CST3: variants seen among roughly 807,000 people sequenced by gnomAD.
CST3 encodes cystatin C, also known as cystatin-C.
A neutral mutation model predicts 9.0 loss-of-function variants in CST3; 14 were observed. That is an observed-to-expected ratio of 1.56 (90% confidence interval 1.03 to 2.44). CST3 has a LOEUF of 2.44. Ranked by LOEUF, CST3 falls within the 30% of genes most tolerant of loss-of-function variation. CST3 has a pLI of 0.00. For synonymous variants in CST3, 96 were observed against 90.2 expected (o/e 1.06, Z -0.37); for missense variants, 237 against 204.3 (o/e 1.16, Z -0.98).
At chr20:23,637,520 C>G (rs2122482258) in intron 1 of CST3, 100 bp downstream of exon 1, 1 of 1,199,756 alleles carries the variant, frequency 8.3e-7, no homozygotes, top group Admixed American at 3.8e-5. Context: ...GGTGAGAAGC[C>G]CAGGCGCCGG....
exon 4 of CST3, chr20:23,627,926 G>GT (rs1437562201): frequency 4.0e-5 from 6 of 151,890 alleles, no homozygotes; most frequent in Admixed American, 1.3e-4. Context: ...TTTTAAATTG[G>GT]TTTTTTTAAA....
intron 2 of CST3, 65 bp downstream of exon 2, chr20:23,635,189 C>A (rs1221816797): frequency 2.0e-5 from 26 of 1,329,122 alleles, no homozygotes; most frequent in Non-Finnish European, 2.8e-5. Flanking sequence ...GCATCACACA[C>A]ACACACACAC....
At chr20:23,628,407 G>A (rs1979331822) in exon 4 of CST3, 1 of 152,178 alleles carries the variant, frequency 6.6e-6, no homozygotes, top group African/African-American at 2.4e-5. Context: ...CAGTCATGGT[G>A]ACATCTGTGG....
downstream of CST3, among the ~76,000 whole-genome samples, chr20:23,631,592 G>A (rs1979453862): frequency 6.6e-6 from 1 of 152,204 alleles, no homozygotes; most frequent in South Asian, 2.1e-4. Flanking sequence ...GGGCCTTTGA[G>A]GGTAGGTGTC....
chr20:23,634,131 C>T (rs1979564229), intron 2 of CST3, 132 bp from the exon 3 acceptor site: 4 of 751,024 alleles, frequency 5.3e-6, no homozygotes, highest in African/African-American at 1.7e-5. Context: ...ACCCCTCCAC[C>T]CACCCCCGCT....
Position 23,633,807 on chromosome 20 carries a change from C to T in CST3, c.*109G>A, listed in dbSNP as rs1288736533. 1.1e-6 allele frequency: 1 copy of T among 929,724 alleles called. No homozygotes were observed. Among genetic ancestry groups the T allele is most frequent in the African/African-American group, 1.6e-5 (1 of 61,962 alleles). 57.6% of individuals were successfully genotyped at this position (929,724 alleles called of 1,614,324 possible). A position where few individuals can be genotyped will look rare whatever the true frequency, so the allele number is the denominator to read the frequency against. ...CTCTGTCTGTCTCCTGGTGCAGGCACATGGGGAGACCTTCCCCAAGGCAGG... is the reference window on the plus strand; with the variant it reads ...CTCTGTCTGTCTCCTGGTGCAGGCATATGGGGAGACCTTCCCCAAGGCAGG... On this transcript the variant is annotated 3_prime_UTR_variant, in exon 3 of 3. Transcript: ENST00000376925.
downstream of CST3, among the ~76,000 whole-genome samples, chr20:23,633,371 T>A (rs1192510367): frequency 6.6e-6 from 1 of 151,978 alleles, no homozygotes; most frequent in African/African-American, 2.4e-5. Context: ...TCAGACCAAA[T>A]CACCAGCCCA....
At chr20:23,630,367 G>A (rs879560249), downstream of CST3, among the ~76,000 whole-genome samples, 1 of 152,218 alleles carries the variant, frequency 6.6e-6, no homozygotes, top group Non-Finnish European at 1.5e-5. Context: ...TAAGCCTCAG[G>A]TGACAGGATT....
At position 23,633,847 on chromosome 20, in the gene CST3, G is replaced by C; in HGVS notation, c.*69C>G. The C allele has an allele frequency of 3.7e-6, 5 of 1,334,788 alleles. No individual in the cohort carries two copies. The highest frequency in any genetic ancestry group is 3.5e-5 in the South Asian group (3 of 85,196). The allele number at this position is 1,334,788 out of a possible 1,614,324, so 82.7% of individuals were successfully genotyped here. On this transcript the variant is annotated 3_prime_UTR_variant, in exon 3 of 3. Coordinates refer to ENST00000376925, the MANE Select transcript of CST3 (RefSeq NM_000099.4). The stretch of plus-strand genomic sequence containing the variant: ...CCCAAGGCAGGGGCCACCAGTCCAG[G>C]GGTGGGAATACAGGGGGTGGGAGGT...
downstream of CST3, chr20:23,632,250 A>G (rs2122465134): frequency 1.3e-5 from 2 of 152,382 alleles, no homozygotes; most frequent in South Asian, 2.1e-4. Context: ...GCACTGGGCT[A>G]TATGGTCAGC....
chr20:23,633,630 C>T (rs1979533430), downstream of CST3: 4 of 574,796 alleles, frequency 7.0e-6, no homozygotes, highest in East Asian at 8.9e-5. Flanking sequence ...GTGTGCACAT[C>T]CCCAGACAGC....
chr20:23,636,380 C>T (rs1568705455), intron 1 of CST3, among the ~76,000 whole-genome samples: 1 of 152,186 alleles, frequency 6.6e-6, no homozygotes. Context: ...GATCCGACCC[C>T]CTACTCCGGT....
exon 4 of CST3, chr20:23,627,861 GGTTT>G (rs575377312): frequency 3.2e-4 from 49 of 151,976 alleles, no homozygotes; most frequent in Admixed American, 9.8e-4. Flanking sequence ...CTTTTAAATT[GGTTT>G]GTTTCTTTAA....
downstream of CST3, chr20:23,632,127 G>C (rs963898819): frequency 6.6e-6 from 1 of 152,336 alleles, no homozygotes; most frequent in African/African-American, 2.4e-5. Flanking sequence ...GTGGGCCATG[G>C]GGCCACCGGG....
At chr20:23,627,667 TAA>T (rs1218946317) in exon 4 of CST3, 1 of 152,228 alleles carries the variant, frequency 6.6e-6, no homozygotes, top group Non-Finnish European at 1.5e-5. Context: ...CAGCTATGTA[TAA>T]AGATTCCAAT....
intron 1 of CST3, among the ~76,000 whole-genome samples, chr20:23,637,373 C>T (rs903587786): frequency 6.6e-6 from 1 of 152,192 alleles, no homozygotes; most frequent in East Asian, 1.9e-4. Flanking sequence ...CTCGAGCTGG[C>T]TCCTGGAAGC....
At chr20:23,635,483 C>T in intron 1 of CST3, 116 bp from the exon 2 acceptor site, 1 of 859,762 alleles carries the variant, frequency 1.2e-6, no homozygotes. Flanking sequence ...AGCCTACCTT[C>T]ATGAGCTGCC....
Position 23,635,344 on chromosome 20 carries a change from G to A in CST3, c.267C>T (p.Phe89=). 6.3e-7 allele frequency: 1 copy of A among 1,584,590 alleles called. No homozygotes were observed. The highest frequency in any genetic ancestry group is 1.1e-5 in the South Asian group (1 of 89,590). Residue 89 remains phenylalanine, a synonymous_variant, in exon 2 of 3, where the codon TTC becomes TTT. Coordinates refer to ENST00000376925, the MANE Select transcript of CST3 (RefSeq NM_000099.4). ...TGGTTCGGCCCAGCTCCACGTCCAA[G>A]AAGTAGTTCACCCCAGCTACGATCT... is the stretch of plus-strand genomic sequence containing the variant. ...RKQIVAGVNY[F]LDVELGRTTC... is the part of the protein sequence containing the mutation.
At chr20:23,637,463 C>T (rs1979723547) in intron 1 of CST3, among the ~76,000 whole-genome samples, 157 bp downstream of exon 1, 1 of 152,194 alleles carries the variant, frequency 6.6e-6, no homozygotes, top group South Asian at 2.1e-4. Context: ...CCCGGACACG[C>T]CCGCCAAGGG....
Sources: gnomAD v4.1 joint callset for allele counts (sites outside exome capture counted in the v4.1 genomes callset) on GRCh38, gnomAD v4.1.1 for gene constraint, MANE v1.5 for transcripts, NCBI Gene and HGNC (gene_info 2026-07-23, HGNC 2026-07-21) for gene names.